The following KCNAB2 variants were observed in gnomAD, a reference collection of about 807,000 sequenced individuals.
The protein encoded by KCNAB2 is potassium voltage-gated channel subfamily A regulatory beta subunit 2, also known as voltage-gated potassium channel subunit beta-2.
In KCNAB2, 29 loss-of-function variants were observed where a neutral mutation model predicts 63.6. The observed-to-expected ratio is 0.46, with a 90% confidence interval of 0.34 to 0.62. KCNAB2 has a LOEUF of 0.62. Among genes scored for constraint, KCNAB2 ranks in the 20% least tolerant of loss-of-function variants. The pLI is 0.01. For missense variants in KCNAB2, 359 were observed against 563.9 expected, an observed-to-expected ratio of 0.64 and a Z score of 3.68; for synonymous variants, 222 against 224.2, an observed-to-expected ratio of 0.99 and a Z score of 0.09.
chr1:6,024,024 C>T lies in KCNAB2; in HGVS notation c.-52-16493C>T, dbSNP rs1658997354. Among the ~76,000 whole-genome samples, 2 of 151,936 alleles carry T rather than the reference C, an allele frequency of 1.3e-5. No homozygotes were observed. The highest frequency in any genetic ancestry group is 2.9e-5 in the Non-Finnish European group (2 of 68,000). On this transcript the variant is annotated intron_variant, in intron 1 of 16. Coordinates refer to the KCNAB2 transcript ENST00000341524. This position sits in a 1 kb window ranked among gnomAD's most constrained non-coding sequence, Gnocchi z 5.4. ...TGGCACAATCTAGGCTCACTGCGAC[C>T]TCCGCCTCCTGGGTTCAAGCAATTC...
At position 6,078,843 on chromosome 1, in the gene KCNAB2, G is replaced by T. The variant is rs1042695658; in HGVS notation, c.301-3352G>T. On this transcript the variant is annotated intron_variant, in intron 4 of 15. Transcript: ENST00000378083. This position sits in a 1 kb window ranked among gnomAD's most constrained non-coding sequence, Gnocchi z 4.2. The stretch of plus-strand genomic sequence containing the variant: ...GGGCTGTCGTGGAGCCTGGGAGGCC[G>T]CATTTCTGATCTCATGCTGATGCTG... Among the ~76,000 whole-genome samples the T allele has an allele frequency of 6.6e-6, 1 of 152,194 alleles. No individual in the cohort carries two copies. Among genetic ancestry groups the T allele is most frequent in the East Asian group, 1.9e-4 (1 of 5,192 alleles).
intron 1 of KCNAB2, among the ~76,000 whole-genome samples, chr1:6,013,162 C>T (rs185032940): frequency 3.3e-5 from 5 of 152,114 alleles, no homozygotes; most frequent in Non-Finnish European, 7.4e-5. Flanking sequence ...CACCTTCGTG[C>T]GTTCATCAAA....
intron 15 of KCNAB2, chr1:6,097,595 G>A (rs1207454156): frequency 1.4e-6 from 1 of 694,142 alleles, no homozygotes; most frequent in Admixed American, 2.6e-5. Context: ...CTGTAGGAGA[G>A]AAGCCAGAGA....
At position 6,085,239 on chromosome 1, in the gene KCNAB2, A is replaced by C. The variant is rs1212197359; in HGVS notation, c.416A>C (p.Lys139Thr). 6.2e-7 allele frequency: 1 copy of C among 1,614,008 alleles called. No individual in the cohort carries two copies. Among genetic ancestry groups the C allele is most frequent in the South Asian group, 1.1e-5 (1 of 91,076 alleles). Residue 139 changes from lysine (K) to threonine (T), a missense_variant, in exon 6 of 16, where the codon AAA (lysine) becomes ACA (threonine). Lys to Thr is a moderately conservative substitution (Grantham distance 78). Transcript: ENST00000378083. ...GTACTGGGAAACATCATTAAGAAGAAAGGATGGAGGTAACGGCCCTGCTCT... is the reference window on the plus strand; with the variant it reads ...GTACTGGGAAACATCATTAAGAAGACAGGATGGAGGTAACGGCCCTGCTCT... ...EVVLGNIIKK[K>T]GWRRSSLVIT...
intron 14 of KCNAB2, 118 bp from the exon 15 acceptor site, chr1:6,097,151 C>A: frequency 2.5e-6 from 3 of 1,188,834 alleles, no homozygotes; most frequent in Non-Finnish European, 2.3e-6. Flanking sequence ...GCTTCCTAGA[C>A]CCCCTCAGAC....
intron 1 of KCNAB2, among the ~76,000 whole-genome samples, chr1:5,998,462 A>C (rs1657056739): frequency 6.6e-6 from 1 of 152,198 alleles, no homozygotes; most frequent in South Asian, 2.1e-4. Context: ...GCTGGGGTTC[A>C]CAGGAGAGGT....
In KCNAB2 at chr1:6,094,395, G is replaced by A. The variant is rs774606763; in HGVS notation, c.647-5G>A. ...CACCTGCGGTTTCCCTTTCTCTCAC[G>A]ACAGAGACCGTCCGCGCCATGACCC... On this transcript the variant is annotated splice_region_variant and splice_polypyrimidine_tract_variant and intron_variant, in intron 10 of 15. Coordinates refer to ENST00000378083, the MANE Select transcript of KCNAB2 (RefSeq NM_001199862.2). The A allele has an allele frequency of 8.7e-6, 14 of 1,607,498 alleles. No individual in the cohort carries two copies. The highest frequency in any genetic ancestry group is 6.7e-5 in the East Asian group (3 of 44,678).
In KCNAB2 at chr1:6,096,607, G is replaced by A. The variant is rs1210806973; in HGVS notation, c.949-29G>A. Reference sequence around the variant, plus strand: ...TCCAGGTGACCTGCTCTCATCTGTAGCTGTGCTGCTCCCCTCCCCCGCAAC... The same window carrying A: ...TCCAGGTGACCTGCTCTCATCTGTAACTGTGCTGCTCCCCTCCCCCGCAAC... On this transcript the variant is annotated intron_variant, in intron 13 of 15. Coordinates refer to ENST00000378083, the MANE Select transcript of KCNAB2 (RefSeq NM_001199862.2). The surrounding 1 kb of genome is among the most constrained non-coding windows in gnomAD (Gnocchi z 5.9). 2 of 1,603,064 alleles carry A rather than the reference G, an allele frequency of 1.2e-6. No homozygotes were observed. The highest frequency in any genetic ancestry group is 4.5e-5 in the East Asian group (2 of 44,594).
At position 6,071,742 on chromosome 1, in the gene KCNAB2, G is replaced by C. The variant is rs1259722759; in HGVS notation, c.219-1013G>C. ...GCTGCGTAGGACTCCTGCGGCGAGG[G>C]CTCCCTCCTGCCGCGTGGGCTCCTC... On this transcript the variant is annotated intron_variant, in intron 2 of 15. Transcript: ENST00000378083. The surrounding 1 kb of genome is among the most constrained non-coding windows in gnomAD (Gnocchi z 8.5). Among the ~76,000 whole-genome samples, 1 of 151,790 alleles carries C rather than the reference G, an allele frequency of 6.6e-6. No homozygotes were observed. Among genetic ancestry groups the C allele is most frequent in the Non-Finnish European group, 1.5e-5 (1 of 67,876 alleles).
chr1:6,061,722 G>A (rs1255614441), intron 2 of KCNAB2, among the ~76,000 whole-genome samples: 6 of 152,094 alleles, frequency 3.9e-5, no homozygotes, highest in Admixed American at 3.9e-4. Context: ...GATTATAACG[G>A]AATATAATGT....
chr1:6,011,734 T>C (rs1043430139), intron 1 of KCNAB2, among the ~76,000 whole-genome samples: 42 of 151,704 alleles, frequency 2.8e-4, no homozygotes, highest in African/African-American at 7.5e-4. Context: ...AGGCAAGTGG[T>C]GGAGGTGGGC....
At chr1:6,022,879 CTTTTTTTTTTT>C (rs34874871) in intron 1 of KCNAB2, among the ~76,000 whole-genome samples, 1 of 86,990 alleles carries the variant, frequency 1.1e-5, no homozygotes, top group East Asian at 3.3e-4. Flanking sequence ...TTTTGCTTAT[CTTTTTTTTTTT>C]TTTTTTTTTT....
chr1:6,067,114 C>T (rs187326149), intron 2 of KCNAB2, among the ~76,000 whole-genome samples: 3 of 152,314 alleles, frequency 2.0e-5, no homozygotes, highest in Admixed American at 6.5e-5. Context: ...TTCTGGGGGC[C>T]GGCCTTCCTC....
chr1:6,038,679 G>A (rs1660249180), intron 1 of KCNAB2, among the ~76,000 whole-genome samples: 1 of 152,212 alleles, frequency 6.6e-6, no homozygotes, highest in South Asian at 2.1e-4. Flanking sequence ...ACCTAGACCT[G>A]TGCTGCCTTG....
chr1:6,018,062 A>G (rs945324935), intron 1 of KCNAB2, among the ~76,000 whole-genome samples: 4 of 152,162 alleles, frequency 2.6e-5, no homozygotes, highest in African/African-American at 7.2e-5. Context: ...ACAGGCACAC[A>G]CCTGTAATCC....
chr1:6,095,268 A>C (rs1323408306), intron 11 of KCNAB2, 55 bp from the exon 12 acceptor site: 12 of 1,543,546 alleles, frequency 7.8e-6, no homozygotes, highest in Non-Finnish European at 9.6e-6. Flanking sequence ...CTGCCCCGGC[A>C]GCCTCCCGCC....
At chr1:6,092,824 C>CTCTG (rs1665301904) in intron 10 of KCNAB2, among the ~76,000 whole-genome samples, 2 of 152,240 alleles carry the variant, frequency 1.3e-5, no homozygotes, top group Non-Finnish European at 2.9e-5. Flanking sequence ...GAGCTACAAC[C>CTCTG]TCTGACCTTG....
At chr1:6,021,702 G>A (rs1658829913) in intron 1 of KCNAB2, among the ~76,000 whole-genome samples, 2 of 151,900 alleles carry the variant, frequency 1.3e-5, no homozygotes, top group South Asian at 4.2e-4. Flanking sequence ...ATGGTTCAGT[G>A]GTACTGAGTG....
chr1:6,042,159 C>T (rs1001128750), upstream of KCNAB2, among the ~76,000 whole-genome samples: 6 of 152,166 alleles, frequency 3.9e-5, no homozygotes, highest in African/African-American at 1.4e-4. Context: ...CCAAATCTAC[C>T]GTTAAAGCTT....
Sources: allele counts gnomAD v4.1 joint callset (sites outside exome capture counted in the v4.1 genomes callset), GRCh38; gene constraint gnomAD v4.1.1; non-coding constraint Gnocchi (gnomAD v3.1); transcripts MANE v1.5; gene names NCBI Gene and HGNC (gene_info 2026-07-23, HGNC 2026-07-21).